Variants in CPEB4 observed in about 807,000 individuals in gnomAD.
CPEB4 encodes cytoplasmic polyadenylation element-binding protein 4.
Under a neutral mutation model 72.5 loss-of-function variants are expected in CPEB4, and 12 were observed. The observed-to-expected ratio is 0.17, with a 90% confidence interval of 0.11 to 0.27. The LOEUF is 0.27. Ranked by LOEUF, CPEB4 falls within the 10% of genes least tolerant of loss-of-function variation. The probability of loss-of-function intolerance (pLI) is 1.00; values close to 1 mark genes in which losing one functional copy is unlikely to be tolerated. For synonymous variants in CPEB4, 302 were observed against 326.3 expected, an observed-to-expected ratio of 0.93 and a Z score of 0.80; for missense variants, 614 against 908.5, an observed-to-expected ratio of 0.68 and a Z score of 4.17.
intron 2 of CPEB4, among the ~76,000 whole-genome samples, 181 bp from the exon 3 acceptor site, chr5:173,932,269 T>C (rs903303595): frequency 3.3e-5 from 5 of 152,244 alleles, no homozygotes; most frequent in African/African-American, 9.6e-5. Flanking sequence ...ATATGAGAGA[T>C]ACTTTCTTTT....
chr5:173,892,007 T>C lies in CPEB4; in HGVS notation c.1125+1149T>C, dbSNP rs1295301531. Reference sequence around the variant, plus strand: ...AACAAACCCAAGGATTGAAAATATGTATACATACATGTGTGCACGTACACA... The same window carrying C: ...AACAAACCCAAGGATTGAAAATATGCATACATACATGTGTGCACGTACACA... On this transcript the variant is annotated intron_variant, in intron 1 of 9. Transcript: ENST00000265085. Among the ~76,000 whole-genome samples, 3 of 151,926 alleles carry C rather than the reference T, an allele frequency of 2.0e-5. No homozygotes were observed. In the East Asian group the frequency reaches 5.8e-4, roughly 29 times the overall value.
chr5:173,910,680 G>A, intron 2 of CPEB4, 76 bp downstream of exon 2: 1 of 927,884 alleles, frequency 1.1e-6, no homozygotes, highest in Non-Finnish European at 1.8e-6. Flanking sequence ...CTGATACACA[G>A]TATGGCAAAT....
chr5:173,940,332 TA>T (rs1369539772), intron 3 of CPEB4, among the ~76,000 whole-genome samples: 2 of 152,162 alleles, frequency 1.3e-5, no homozygotes, highest in Non-Finnish European at 2.9e-5. Context: ...TGAACATAAT[TA>T]AAGTCATTTT....
intron 2 of CPEB4, among the ~76,000 whole-genome samples, chr5:173,923,590 C>T (rs1757144262): frequency 1.3e-5 from 2 of 152,106 alleles, no homozygotes; most frequent in Non-Finnish European, 2.9e-5. Context: ...AAACTTTTTG[C>T]AAGGTAGGAG....
chr5:173,945,090 G>A lies in CPEB4; in HGVS notation c.1406G>A (p.Arg469Gln). 1 of 1,613,774 alleles carries A rather than the reference G, an allele frequency of 6.2e-7. No individual in the cohort carries two copies. The highest frequency in any genetic ancestry group is 8.5e-7 in the Non-Finnish European group (1 of 1,179,862). The change falls in exon 5 of 10, where the codon CGA becomes CAA. Residue 469 changes from arginine to glutamine, a missense_variant. Transcript: ENST00000265085. ...FSHQNGERVE[R>Q]YSRKVFVGGL... ...CACCAGAATGGGGAAAGAGTGGAAC[G>A]ATATTCTCGAAAGGTGTTTGTAGGC... is the stretch of plus-strand genomic sequence containing the variant.
intron 1 of CPEB4, chr5:173,891,721 C>T (rs1755818355): frequency 6.6e-6 from 1 of 152,026 alleles, no homozygotes; most frequent in Admixed American, 6.5e-5. Flanking sequence ...TTGATATGAA[C>T]TAGATAAAGG....
intron 2 of CPEB4, among the ~76,000 whole-genome samples, chr5:173,917,500 A>T (rs1756913023): frequency 6.6e-6 from 1 of 152,208 alleles, no homozygotes; most frequent in African/African-American, 2.4e-5. Context: ...TTGGGAGGCC[A>T]AGGTGGGTGG....
rs17696495 is a variant in CPEB4, at chr5:173,961,308, G to T, written c.*5171G>T. 33,784 of 152,102 alleles carry T rather than the reference G, an allele frequency of 0.22. 4,964 individuals are homozygous for T. The highest frequency in any genetic ancestry group is 0.31 in the Non-Finnish European group (20,755 of 67,996). The allele number at this position is 152,102 out of a possible 1,614,324, so 9.4% of individuals were successfully genotyped here. ...TCTATAATATTCCTAGGCATTCTGGGATGGTTTCACTATTTTAAGAAAAGA... is the reference window on the plus strand; with the variant it reads ...TCTATAATATTCCTAGGCATTCTGGTATGGTTTCACTATTTTAAGAAAAGA... On this transcript the variant is annotated 3_prime_UTR_variant, in exon 10 of 10. Coordinates refer to ENST00000265085, the MANE Select transcript of CPEB4 (RefSeq NM_030627.4).
At chr5:173,906,878 A>G (rs1472220143) in intron 1 of CPEB4, among the ~76,000 whole-genome samples, 1 of 152,202 alleles carries the variant, frequency 6.6e-6, no homozygotes, top group Admixed American at 6.5e-5. Flanking sequence ...AAAAATCTTT[A>G]TGTTTCCCAC....
rs969469486 is a variant in CPEB4, at chr5:173,960,339, A to G, written c.*4202A>G. On this transcript the variant is annotated 3_prime_UTR_variant, in exon 10 of 10. Transcript: ENST00000265085. ...CTTTTAATATACTTATTTCTTTTTAACACAAGTAGATGATGCTTTCTTGAC... is the reference window on the plus strand; with the variant it reads ...CTTTTAATATACTTATTTCTTTTTAGCACAAGTAGATGATGCTTTCTTGAC... 6.6e-6 allele frequency: 1 copy of G among 152,668 alleles called. No homozygotes were observed. The highest frequency in any genetic ancestry group is 2.4e-5 in the African/African-American group (1 of 41,448). The allele number at this position is 152,668 out of a possible 1,614,324, so 9.5% of individuals were successfully genotyped here.
chr5:173,950,149 T>G lies in CPEB4; in HGVS notation c.1665+71T>G. On this transcript the variant is annotated intron_variant, in intron 7 of 9. Transcript: ENST00000265085. This position sits in a 1 kb window ranked among gnomAD's most constrained non-coding sequence, Gnocchi z 5.0. Reference sequence around the variant, plus strand: ...TCATCTGTTATATTTGAAAAACCCATAGACAACTTGATGTGTTTGGGGTAC... The same window carrying G: ...TCATCTGTTATATTTGAAAAACCCAGAGACAACTTGATGTGTTTGGGGTAC... 1.1e-6 allele frequency: 1 copy of G among 886,076 alleles called. No individual in the cohort carries two copies. Among genetic ancestry groups the G allele is most frequent in the East Asian group, 2.5e-5 (1 of 39,448 alleles). 54.9% of individuals were successfully genotyped at this position (886,076 alleles called of 1,614,324 possible).
chr5:173,914,678 C>T (rs1756798442), intron 2 of CPEB4, among the ~76,000 whole-genome samples: 2 of 152,130 alleles, frequency 1.3e-5, no homozygotes, highest in Non-Finnish European at 2.9e-5. Context: ...ATTGCTTGAA[C>T]CTGGCAGGCG....
intron 1 of CPEB4, among the ~76,000 whole-genome samples, chr5:173,909,705 T>C (rs1239805912): frequency 6.6e-6 from 1 of 152,158 alleles, no homozygotes; most frequent in East Asian, 1.9e-4. Flanking sequence ...AAAATAAGTA[T>C]ATAATTTATC....
chr5:173,897,952 C>G (rs1309223808), intron 1 of CPEB4, among the ~76,000 whole-genome samples: 1 of 152,144 alleles, frequency 6.6e-6, no homozygotes, highest in African/African-American at 2.4e-5. Context: ...GAATTCTGGT[C>G]CTGTTACATG....
At chr5:173,948,701 C>T (rs1456916105) in intron 5 of CPEB4, among the ~76,000 whole-genome samples, 1 of 152,098 alleles carries the variant, frequency 6.6e-6, no homozygotes, top group Non-Finnish European at 1.5e-5. Context: ...ATTTATTTCT[C>T]ACCATTCTGG....
chr5:173,932,845 A>G (rs1403144000), intron 3 of CPEB4, among the ~76,000 whole-genome samples: 1 of 152,220 alleles, frequency 6.6e-6, no homozygotes, highest in Non-Finnish European at 1.5e-5. Flanking sequence ...ATGTTCCAAG[A>G]GGAAAGGATA....
rs771375283 is a variant in CPEB4 at position 173,889,805 on chromosome 5, C to G, written c.72C>G (p.Phe24Leu). The part of the protein sequence containing the change: ...TGNKSAFPVR[F>L]HPHLQPPHHH... ...ATAAATCTGCTTTTCCAGTCAGATT[C>G]CATCCACATCTGCAGCCTCCACACC... Residue 24 changes from phenylalanine to leucine, a missense_variant, in exon 1 of 10, where the codon TTC becomes TTG. Coordinates refer to ENST00000265085, the MANE Select transcript of CPEB4 (RefSeq NM_030627.4). 1 of 1,614,092 alleles carries G rather than the reference C, an allele frequency of 6.2e-7. No individual in the cohort carries two copies. Among genetic ancestry groups the G allele is most frequent in the Non-Finnish European group, 8.5e-7 (1 of 1,179,972 alleles).
At position 173,956,863 on chromosome 5, in the gene CPEB4, T is replaced by C. The variant is rs150345116; in HGVS notation, c.*726T>C. 7.9e-5 allele frequency: 12 copies of C among 152,344 alleles called. No individual in the cohort carries two copies. The highest frequency in any genetic ancestry group is 2.4e-4 in the African/African-American group (10 of 41,468). The allele number at this position is 152,344 out of a possible 1,614,324, so 9.4% of individuals were successfully genotyped here. A position where few individuals can be genotyped will look rare whatever the true frequency, so the allele number is the denominator to read the frequency against. Reference sequence around the variant, plus strand: ...GTAAAGTAGGCAGAGCTAGGTTTATTTTCTCTTAAACAATTTTTAAAATTC... The same window carrying C: ...GTAAAGTAGGCAGAGCTAGGTTTATCTTCTCTTAAACAATTTTTAAAATTC... On this transcript the variant is annotated 3_prime_UTR_variant, in exon 10 of 10. Coordinates refer to ENST00000265085, the MANE Select transcript of CPEB4 (RefSeq NM_030627.4).
intron 8 of CPEB4, 140 bp from the exon 9 acceptor site, chr5:173,952,951 G>A (rs1379480072): frequency 3.0e-6 from 2 of 677,172 alleles, no homozygotes; most frequent in East Asian, 5.2e-5. Flanking sequence ...ATGGATGACT[G>A]GTTGTAGTAA....
Sources: allele counts gnomAD v4.1 joint callset (sites outside exome capture counted in the v4.1 genomes callset), GRCh38; gene constraint gnomAD v4.1.1; non-coding constraint Gnocchi (gnomAD v3.1); transcripts MANE v1.5; gene names NCBI Gene and HGNC (gene_info 2026-07-23, HGNC 2026-07-21).